ADARB2: variants seen among roughly 807,000 people sequenced by gnomAD.
ADARB2 encodes adenosine deaminase RNA specific B2 (inactive), also known as inactive double-stranded RNA-specific editase B2.
In ADARB2, 25 loss-of-function variants were observed where a neutral mutation model predicts 62.2. The observed-to-expected ratio is 0.40, with a 90% CI of 0.29 to 0.56. ADARB2 has a LOEUF of 0.56. Among genes scored for constraint, ADARB2 ranks in the 20% least tolerant of loss-of-function variants. ADARB2 has a pLI of 0.43. For missense variants in ADARB2, 1,071 were observed against 1,077.4 expected (o/e 0.99, Z 0.08); for synonymous variants, 572 against 500.8 (o/e 1.14, Z -1.90).
intron 1 of ADARB2, among the ~76,000 whole-genome samples, chr10:1,538,073 T>C (rs757836429): frequency 2.6e-4 from 40 of 152,226 alleles, no homozygotes; most frequent in Admixed American, 7.2e-4. Context: ...CAAGTTGGAG[T>C]GCTTCTGAGA....
intron 1 of ADARB2, among the ~76,000 whole-genome samples, chr10:1,465,907 T>G (rs1048956707): frequency 2.6e-5 from 4 of 152,262 alleles, no homozygotes; most frequent in Non-Finnish European, 4.4e-5. Flanking sequence ...GCTTTTGCAT[T>G]TAGTTTGCAG....
intron 1 of ADARB2, among the ~76,000 whole-genome samples, chr10:1,492,651 G>T (rs1003373545): frequency 6.6e-6 from 1 of 152,090 alleles, no homozygotes. Flanking sequence ...GTCTACAGGT[G>T]CAGCATTTCA....
At chr10:1,368,942 C>CCAGGCAGGG (rs1832339784) in intron 2 of ADARB2, among the ~76,000 whole-genome samples, 1 of 151,810 alleles carries the variant, frequency 6.6e-6, no homozygotes, top group African/African-American at 2.4e-5. Context: ...AGTCGTGGGG[C>CCAGGCAGGG]TGGGCTGGGT....
At chr10:1,657,878 T>C (rs1834191915) in intron 1 of ADARB2, among the ~76,000 whole-genome samples, 1 of 152,142 alleles carries the variant, frequency 6.6e-6, no homozygotes, top group South Asian at 2.1e-4. Flanking sequence ...TCTCAGTTTC[T>C]CTCTGGTTCT....
At chr10:1,283,057 G>T (rs1831383618) in intron 3 of ADARB2, among the ~76,000 whole-genome samples, 1 of 152,214 alleles carries the variant, frequency 6.6e-6, no homozygotes, top group Admixed American at 6.5e-5. Flanking sequence ...ACAGAAGGTA[G>T]ACAAACCTGT....
chr10:1,464,887 C>A (rs1831232883), intron 1 of ADARB2, among the ~76,000 whole-genome samples: 1 of 152,256 alleles, frequency 6.6e-6, no homozygotes. Context: ...CCGGTGACAC[C>A]AGCCTCAGTC....
At chr10:1,413,202 G>A (rs912416209) in intron 1 of ADARB2, among the ~76,000 whole-genome samples, 2 of 152,270 alleles carry the variant, frequency 1.3e-5, no homozygotes, top group East Asian at 1.9e-4. Context: ...TGGTGAGGGC[G>A]CAGGGCCCAG....
intron 1 of ADARB2, among the ~76,000 whole-genome samples, chr10:1,567,188 C>T (rs564923951): frequency 3.9e-5 from 6 of 152,172 alleles, no homozygotes; most frequent in South Asian, 4.2e-4. Context: ...CTCCCCCCAC[C>T]GAGAAGCAGA....
At chr10:1,480,152 C>G (rs1831448884) in intron 1 of ADARB2, among the ~76,000 whole-genome samples, 1 of 151,960 alleles carries the variant, frequency 6.6e-6, no homozygotes, top group Non-Finnish European at 1.5e-5. Context: ...GATACTTTAC[C>G]ACTTTTATTT....
chr10:1,327,849 TC>T (rs1831887820), intron 3 of ADARB2, among the ~76,000 whole-genome samples: 1 of 84,420 alleles, frequency 1.2e-5, no homozygotes, highest in African/African-American at 5.8e-5. Flanking sequence ...GCTCAGTGCC[TC>T]CTCACAGCTC....
intron 1 of ADARB2, among the ~76,000 whole-genome samples, chr10:1,734,954 A>G (rs1172853553): frequency 1.3e-5 from 2 of 150,334 alleles, no homozygotes; most frequent in Non-Finnish European, 3.0e-5. Flanking sequence ...ATCAATTCCC[A>G]GGAAAATGCA....
At chr10:1,510,955 T>A (rs1306931959) in intron 1 of ADARB2, among the ~76,000 whole-genome samples, 2 of 152,148 alleles carry the variant, frequency 1.3e-5, no homozygotes, top group African/African-American at 4.8e-5. Context: ...CTGGCTCGAG[T>A]GATCCTACCA....
intron 3 of ADARB2, among the ~76,000 whole-genome samples, chr10:1,319,539 C>G (rs554592408): frequency 5.7e-4 from 87 of 152,296 alleles, no homozygotes; most frequent in Non-Finnish European, 1.1e-3. Flanking sequence ...TTAGCAAGAT[C>G]TCAAACAAAA....
chr10:1,715,606 C>T (rs187330076), intron 1 of ADARB2, among the ~76,000 whole-genome samples: 22 of 152,304 alleles, frequency 1.4e-4, no homozygotes, highest in African/African-American at 5.1e-4. Context: ...TGGCCTTCTT[C>T]TATCATCTTA....
intron 3 of ADARB2, among the ~76,000 whole-genome samples, chr10:1,301,203 A>C (rs1831569572): frequency 6.6e-6 from 1 of 152,164 alleles, no homozygotes; most frequent in African/African-American, 2.4e-5. Context: ...ACGGTTATGG[A>C]CTCTGTGCGT....
At chr10:1,302,363 G>T (rs556840545) in intron 3 of ADARB2, among the ~76,000 whole-genome samples, 49 of 152,332 alleles carry the variant, frequency 3.2e-4, no homozygotes, top group African/African-American at 9.9e-4. Context: ...TCCCACACCT[G>T]GCTCGGAGGG....
intron 5 of ADARB2, among the ~76,000 whole-genome samples, chr10:1,241,177 T>G (rs1005903836): frequency 6.6e-6 from 1 of 152,056 alleles, no homozygotes; most frequent in African/African-American, 2.4e-5. Context: ...GAGAATTGCT[T>G]CAACCCGGGA....
chr10:1,589,567 C>T (rs1446078257), intron 1 of ADARB2, among the ~76,000 whole-genome samples: 1 of 152,244 alleles, frequency 6.6e-6, no homozygotes, highest in African/African-American at 2.4e-5. Context: ...GAACCATGGG[C>T]CCCGCCTCTT....
intron 1 of ADARB2, among the ~76,000 whole-genome samples, chr10:1,676,575 G>A (rs1333832129): frequency 1.3e-5 from 2 of 152,028 alleles, no homozygotes; most frequent in East Asian, 3.9e-4. Flanking sequence ...TCTCCAGACT[G>A]GGGACCTCTG....
Sources: allele counts gnomAD v4.1 joint callset (sites outside exome capture counted in the v4.1 genomes callset), GRCh38; gene constraint gnomAD v4.1.1; transcripts MANE v1.5; gene names NCBI Gene and HGNC (gene_info 2026-07-23, HGNC 2026-07-21).